The following UFL1 variants were observed in gnomAD, a reference collection of about 807,000 sequenced individuals.
UFL1 encodes E3 UFM1-protein ligase 1.
Under a neutral mutation model 99.3 loss-of-function variants are expected in UFL1, and 78 were observed. The observed-to-expected ratio is 0.79, with a 90% CI of 0.65 to 0.95. UFL1 has a LOEUF of 0.95. Ranked by LOEUF, UFL1 falls within the 40% of genes least tolerant of loss-of-function variation. The pLI is 0.00. For missense variants in UFL1, 936 were observed against 937.0 expected, an observed-to-expected ratio of 1.00 and a Z score of 0.01; for synonymous variants, 335 against 322.2, an observed-to-expected ratio of 1.04 and a Z score of -0.42.
chr6:96,538,179 G>A (rs1047978650), intron 9 of UFL1, among the ~76,000 whole-genome samples: 9 of 151,738 alleles, frequency 5.9e-5, no homozygotes, highest in South Asian at 2.1e-4. Flanking sequence ...AATACTTGTT[G>A]GGGATATGGT....
intron 5 of UFL1, among the ~76,000 whole-genome samples, chr6:96,528,233 C>T (rs1344511537): frequency 6.6e-6 from 1 of 152,084 alleles, no homozygotes; most frequent in Non-Finnish European, 1.5e-5. Flanking sequence ...AGAAATAGCC[C>T]TCATTAACAA....
Position 96,555,045 on chromosome 6 carries a change from G to A in UFL1, c.*1542G>A, listed in dbSNP as rs1770135721. The A allele has an allele frequency of 6.6e-6, 1 of 152,490 alleles. No individual in the cohort carries two copies. Among genetic ancestry groups the A allele is most frequent in the South Asian group, 2.1e-4 (1 of 4,832 alleles). The allele number at this position is 152,490 out of a possible 1,614,324, so 9.4% of individuals were successfully genotyped here. A position where few individuals can be genotyped will look rare whatever the true frequency, so the allele number is the denominator to read the frequency against. The stretch of plus-strand genomic sequence containing the variant: ...ATAAATAGAAGAGACAGTGAAGCAA[G>A]TAAAAAGAAAAGCATTGTTTTAATT... On this transcript the variant is annotated 3_prime_UTR_variant, in exon 19 of 19. Transcript: ENST00000369278.
chr6:96,538,861 G>T, intron 10 of UFL1, 51 bp downstream of exon 10: 2 of 1,470,858 alleles, frequency 1.4e-6, no homozygotes, highest in South Asian at 2.9e-5. Flanking sequence ...TTTCAATTTA[G>T]AATCATCTGA....
At chr6:96,549,878 T>G (rs538593500) in intron 15 of UFL1, 79 bp downstream of exon 15, 1 of 1,521,552 alleles carries the variant, frequency 6.6e-7, no homozygotes, top group African/African-American at 1.4e-5. Flanking sequence ...TTATTTGGAG[T>G]AAAGAGGAAA....
intron 12 of UFL1, among the ~76,000 whole-genome samples, chr6:96,546,997 T>G (rs1359868158): frequency 6.6e-6 from 1 of 151,562 alleles, no homozygotes; most frequent in Non-Finnish European, 1.5e-5. Context: ...CACATAGGAC[T>G]TAATTAAACT....
At chr6:96,532,244 A>G (rs1434078818) in intron 6 of UFL1, among the ~76,000 whole-genome samples, 1 of 152,216 alleles carries the variant, frequency 6.6e-6, no homozygotes, top group Non-Finnish European at 1.5e-5. Flanking sequence ...ACATTTTAAG[A>G]TGAAGTCCTT....
rs755818576 is a variant in UFL1, at chr6:96,548,226, C to T, written c.1465C>T (p.His489Tyr). The T allele has an allele frequency of 9.3e-6, 15 of 1,607,688 alleles. No homozygotes were observed. The highest frequency in any genetic ancestry group is 1.7e-5 in the Admixed American group (1 of 59,176). The change falls in exon 13 of 19, where the codon CAC becomes TAC. Residue 489 changes from histidine (H) to tyrosine (Y), a missense_variant. Coordinates refer to ENST00000369278, the MANE Select transcript of UFL1 (RefSeq NM_015323.5). ...TGAGATTGAAGATTTTTTAAGAAAA[C>T]ACATACAAGATGCCCCTGAGGAGTT... ...QDEIEDFLRK[H>Y]IQDAPEEFIS...
chr6:96,551,626 G>A (rs1278516141), intron 16 of UFL1, 113 bp downstream of exon 16: 1 of 792,902 alleles, frequency 1.3e-6, no homozygotes. Flanking sequence ...CTAGTATTTT[G>A]CACTCAGCTG....
rs1170298075 is a variant in UFL1, at chr6:96,528,694, C to T, written c.596+62C>T. ...CTTTGATCATGGTTTGCATTTTTTT[C>T]CTAGCAGCGGAATCTTTTTCTTTGT... On this transcript the variant is annotated intron_variant, in intron 6 of 18. Transcript: ENST00000369278. The T allele has an allele frequency of 5.4e-6, 8 of 1,495,050 alleles. No homozygotes were observed. The African/African-American group carries it at 8.4e-5, about 16-fold the overall frequency. 92.6% of individuals were successfully genotyped at this position (1,495,050 alleles called of 1,614,324 possible). A position where few individuals can be genotyped will look rare whatever the true frequency, so the allele number is the denominator to read the frequency against.
intron 12 of UFL1, among the ~76,000 whole-genome samples, chr6:96,543,304 G>A (rs1769956177): frequency 6.6e-6 from 1 of 151,172 alleles, no homozygotes; most frequent in Admixed American, 6.6e-5. Context: ...TGCATATCAT[G>A]ATCTGTGACA....
intron 15 of UFL1, among the ~76,000 whole-genome samples, chr6:96,550,579 T>C (rs536703607): frequency 3.2e-4 from 49 of 152,090 alleles, no homozygotes; most frequent in Non-Finnish European, 5.7e-4. Flanking sequence ...GAATGTTGTT[T>C]AGTTTCATGT....
rs375999310 is a variant in UFL1 at position 96,522,224 on chromosome 6, G to A, written c.77+274G>A. On this transcript the variant is annotated intron_variant, in intron 1 of 18. Coordinates refer to ENST00000369278, the MANE Select transcript of UFL1 (RefSeq NM_015323.5). ...CACCATGGACGGGGCCGGTGATTTCGAGCTGCCTTTATTGAGCATTTCTTT... is the reference window on the plus strand; with the variant it reads ...CACCATGGACGGGGCCGGTGATTTCAAGCTGCCTTTATTGAGCATTTCTTT... Among the ~76,000 whole-genome samples, 6 of 152,126 alleles carry A rather than the reference G, an allele frequency of 3.9e-5. No homozygotes were observed. In the East Asian group the frequency reaches 1.2e-3, roughly 30 times the overall value.
chr6:96,554,270 TTC>T lies in UFL1; in HGVS notation c.*769_*770del, dbSNP rs1235046716. 3 of 152,326 alleles carry T rather than the reference TTC, an allele frequency of 2.0e-5. No homozygotes were observed. In the East Asian group the frequency reaches 5.8e-4, roughly 29 times the overall value. 9.4% of individuals were successfully genotyped at this position (152,326 alleles called of 1,614,324 possible). On this transcript the variant is annotated 3_prime_UTR_variant, in exon 19 of 19. Transcript: ENST00000369278. ...AACTAAGCATTTTATACAAAGATTT[TTC>T]TTTGACCCAGTTTGCATTTGTACAT...
At chr6:96,546,262 T>C (rs1291004383) in intron 12 of UFL1, among the ~76,000 whole-genome samples, 2 of 148,682 alleles carry the variant, frequency 1.3e-5, no homozygotes, top group Non-Finnish European at 3.0e-5. Context: ...CTCAGTCTTA[T>C]TTTTAATAGC....
chr6:96,525,257 T>A, intron 3 of UFL1, 40 bp from the exon 4 acceptor site: 1 of 1,432,662 alleles, frequency 7.0e-7, no homozygotes. Flanking sequence ...TAAGAAACAA[T>A]ACAAACTAAT....
chr6:96,522,027 CCGCGGCCCTGCATCCCGGGTCTTCT>C, intron 1 of UFL1, 77 bp downstream of exon 1: 1 of 1,478,706 alleles, frequency 6.8e-7, no homozygotes, highest in Admixed American at 1.9e-5. Flanking sequence ...GACTTTAGAC[CCGCGGCCCTGCATCCCGGGTCTTCT>C]CGCTGCTTGT....
At chr6:96,538,275 A>G (rs1243249123) in intron 9 of UFL1, among the ~76,000 whole-genome samples, 1 of 151,790 alleles carries the variant, frequency 6.6e-6, no homozygotes, top group African/African-American at 2.4e-5. Context: ...TTCAGATAGG[A>G]GAAAGAGTTA....
intron 4 of UFL1, 128 bp downstream of exon 4, chr6:96,525,522 CATG>C: frequency 1.4e-6 from 1 of 730,030 alleles, no homozygotes; most frequent in African/African-American, 1.8e-5. Context: ...TGTTGATTTT[CATG>C]ATAAGGTTTA....
chr6:96,547,808 T>TG (rs985886507), intron 12 of UFL1, among the ~76,000 whole-genome samples: 336 of 139,708 alleles, frequency 2.4e-3, no homozygotes, highest in Non-Finnish European at 2.9e-3. Context: ...GAAGGGAAGT[T>TG]GGGGGGGGGC....
Sources: allele counts gnomAD v4.1 joint callset (sites outside exome capture counted in the v4.1 genomes callset), GRCh38; gene constraint gnomAD v4.1.1; transcripts MANE v1.5; gene names NCBI Gene and HGNC (gene_info 2026-07-23, HGNC 2026-07-21).